The following EXOSC4 variants were observed in gnomAD, a reference collection of about 807,000 sequenced individuals.
EXOSC4 encodes the protein exosome component 4.
A neutral mutation model predicts 20.0 loss-of-function variants in EXOSC4; 14 were observed. That is an observed-to-expected ratio of 0.70 (90% confidence interval 0.46 to 1.09). The LOEUF (loss-of-function observed/expected upper bound fraction) is 1.09. EXOSC4 is among the 50% of genes least tolerant of loss of function. EXOSC4 has a pLI of 0.00. For synonymous variants in EXOSC4, 148 were observed against 146.4 expected, an observed-to-expected ratio of 1.01 and a Z score of -0.08; for missense variants, 337 against 334.0, an observed-to-expected ratio of 1.01 and a Z score of -0.07.
At chr8:144,077,980 A>G (rs1554762930), upstream of EXOSC4, 1 of 152,270 alleles carries the variant, frequency 6.6e-6, no homozygotes, top group Non-Finnish European at 1.5e-5. Context: ...GAGCCTAGAT[A>G]ACCCCAGATT....
the EXOSC4 span, among the ~76,000 whole-genome samples, chr8:144,066,987 T>G: frequency 3.3e-5 from 5 of 152,012 alleles, no homozygotes; most frequent in Non-Finnish European, 7.4e-5. Flanking sequence ...CTCGGGAGGC[T>G]GAGGCAGAAG....
upstream of EXOSC4, among the ~76,000 whole-genome samples, chr8:144,075,577 T>C (rs1348393608): frequency 1.3e-5 from 2 of 152,170 alleles, no homozygotes; most frequent in Non-Finnish European, 2.9e-5. Context: ...TTTGCCATGT[T>C]GTCCAAGCTG....
At chr8:144,075,107 G>C (rs1377937432), upstream of EXOSC4, among the ~76,000 whole-genome samples, 2 of 152,094 alleles carry the variant, frequency 1.3e-5, no homozygotes, top group African/African-American at 4.8e-5. Context: ...CTGTTGCCCA[G>C]GCTGGAGTGC....
chr8:144,065,638 G>A, the EXOSC4 span, among the ~76,000 whole-genome samples: 1 of 152,018 alleles, frequency 6.6e-6, no homozygotes, highest in African/African-American at 2.4e-5. Flanking sequence ...AGGAGGCTGA[G>A]GCTGGAGAAT....
Position 144,078,741 on chromosome 8 carries a change from G to C in EXOSC4, c.13G>C (p.Glu5Gln), listed in dbSNP as rs781929052. Residue 5 changes from glutamate to glutamine, a missense_variant, in exon 1 of 3, where the codon GAG (glutamate) becomes CAG (glutamine). Glu to Gln is a conservative substitution (Grantham distance 29). Coordinates refer to ENST00000316052, the MANE Select transcript of EXOSC4 (RefSeq NM_019037.3). The surrounding 1 kb of genome is among the most constrained non-coding windows in gnomAD (Gnocchi z 4.7). ...GCGGCCGGGCAGCATGGCGGGGCTG[G>C]AGCTCTTGTCGGACCAGGGCTACCG... Reference protein sequence around the residue: MAGLELLSDQGYRVD... With the variant: MAGLQLLSDQGYRVD... 2 of 1,471,772 alleles carry C rather than the reference G, an allele frequency of 1.4e-6. No homozygotes were observed. The highest frequency in any genetic ancestry group is 1.5e-5 in the African/African-American group (1 of 68,810). The allele number at this position is 1,471,772 out of a possible 1,614,324, so 91.2% of individuals were successfully genotyped here. A position where few individuals can be genotyped will look rare whatever the true frequency, so the allele number is the denominator to read the frequency against.
chr8:144,068,072 T>A, the EXOSC4 span, among the ~76,000 whole-genome samples: 1 of 152,206 alleles, frequency 6.6e-6, no homozygotes. Context: ...CATTTGACGC[T>A]GGAAGCCTGA....
the EXOSC4 span, among the ~76,000 whole-genome samples, chr8:144,064,486 A>G: frequency 1.1e-4 from 17 of 152,248 alleles, no homozygotes; most frequent in Non-Finnish European, 2.1e-4. Flanking sequence ...CCAGGGCTAC[A>G]GGGGCAGAGC....
the EXOSC4 span, among the ~76,000 whole-genome samples, chr8:144,073,571 G>A: frequency 4.0e-5 from 6 of 151,558 alleles, no homozygotes; most frequent in African/African-American, 9.7e-5. Flanking sequence ...ACTAACGACC[G>A]GCCGGGTGTG....
At chr8:144,067,060 C>G in the EXOSC4 span, among the ~76,000 whole-genome samples, 1 of 152,078 alleles carries the variant, frequency 6.6e-6, no homozygotes, top group Non-Finnish European at 1.5e-5. Context: ...GCACACCAGC[C>G]TGGGCAACAA....
Position 144,078,709 on chromosome 8 carries a change from G to C in EXOSC4, c.-20G>C. On this transcript the variant is annotated 5_prime_UTR_variant, in exon 1 of 3. Transcript: ENST00000316052. This position sits in a 1 kb window ranked among gnomAD's most constrained non-coding sequence, Gnocchi z 4.7. ...CGGCTCAGAGAAGTAGGCAGAGAGCGGACCTGGCGGCCGGGCAGCATGGCG... is the reference window on the plus strand; with the variant it reads ...CGGCTCAGAGAAGTAGGCAGAGAGCCGACCTGGCGGCCGGGCAGCATGGCG... 2 of 1,419,566 alleles carry C rather than the reference G, an allele frequency of 1.4e-6. No individual in the cohort carries two copies. The highest frequency in any genetic ancestry group is 3.0e-5 in the South Asian group (2 of 66,054). 87.9% of individuals were successfully genotyped at this position (1,419,566 alleles called of 1,614,324 possible).
At chr8:144,070,438 C>T in the EXOSC4 span, among the ~76,000 whole-genome samples, 34 of 151,570 alleles carry the variant, frequency 2.2e-4, no homozygotes, top group African/African-American at 6.3e-4. Flanking sequence ...GCGGGAGAAC[C>T]GCTTGAACCC....
the EXOSC4 span, among the ~76,000 whole-genome samples, chr8:144,072,096 C>T: frequency 1.8e-4 from 27 of 152,208 alleles, no homozygotes; most frequent in Admixed American, 1.6e-3. Flanking sequence ...TTACGACATC[C>T]GTCACCTGGG....
At chr8:144,071,378 T>G in the EXOSC4 span, among the ~76,000 whole-genome samples, 44 of 146,050 alleles carry the variant, frequency 3.0e-4, 1 homozygote, top group East Asian at 8.0e-3. Flanking sequence ...CAGGCTGGAG[T>G]GCAGTGTCCC....
At chr8:144,068,219 G>A in the EXOSC4 span, among the ~76,000 whole-genome samples, 1 of 152,154 alleles carries the variant, frequency 6.6e-6, no homozygotes, top group Non-Finnish European at 1.5e-5. Flanking sequence ...CATTGAATAT[G>A]TATATTTGGC....
chr8:144,080,350 G>A lies in EXOSC4; in HGVS notation c.487G>A (p.Gly163Ser), dbSNP rs372756031. ...AGACTTTGTGTGTGCGTGCTCAGCTGGCTTCGTGGACGGCACAGCCCTGGC... is the reference window on the plus strand; with the variant it reads ...AGACTTTGTGTGTGCGTGCTCAGCTAGCTTCGTGGACGGCACAGCCCTGGC... Reference protein sequence around the residue: ...MRDFVCACSAGFVDGTALADL... With the variant: ...MRDFVCACSASFVDGTALADL... The change falls in exon 3 of 3, where the codon GGC becomes AGC. Residue 163 changes from glycine (G) to serine (S), a missense_variant. Gly to Ser is a moderately conservative substitution (Grantham distance 56). Transcript: ENST00000316052. The surrounding 1 kb of genome is among the most constrained non-coding windows in gnomAD (Gnocchi z 4.9). The A allele has an allele frequency of 3.1e-6, 5 of 1,613,354 alleles. No individual in the cohort carries two copies. Among genetic ancestry groups the A allele is most frequent in the Non-Finnish European group, 4.2e-6 (5 of 1,180,042 alleles).
In EXOSC4 at chr8:144,080,291, C is replaced by G. The variant is rs782421627; in HGVS notation, c.428C>G (p.Thr143Arg). Reference sequence around the variant, plus strand: ...TATGCAGCTTGTGTGAATGCAGCCACGCTGGCAGTGCTGGATGCCGGGATA... The same window carrying G: ...TATGCAGCTTGTGTGAATGCAGCCAGGCTGGCAGTGCTGGATGCCGGGATA... Reference protein sequence around the residue: ...GTYAACVNAATLAVLDAGIPM... With the variant: ...GTYAACVNAARLAVLDAGIPM... The change falls in exon 3 of 3, where the codon ACG (threonine) becomes AGG (arginine). Residue 143 changes from threonine (T) to arginine (R), a missense_variant. Coordinates refer to ENST00000316052, the MANE Select transcript of EXOSC4 (RefSeq NM_019037.3). The surrounding 1 kb of genome is among the most constrained non-coding windows in gnomAD (Gnocchi z 4.9). 2.5e-6 allele frequency: 4 copies of G among 1,613,812 alleles called. No homozygotes were observed. The highest frequency in any genetic ancestry group is 3.4e-6 in the Non-Finnish European group (4 of 1,180,032).
At chr8:144,064,972 G>T in the EXOSC4 span, among the ~76,000 whole-genome samples, 3 of 151,620 alleles carry the variant, frequency 2.0e-5, no homozygotes, top group Admixed American at 2.0e-4. Flanking sequence ...CTGCCAAGTA[G>T]CTGGGACTAC....
rs781789176 is a variant in EXOSC4 at position 144,080,594 on chromosome 8, G to T, written c.731G>T (p.Gly244Val). 1 of 1,596,964 alleles carries T rather than the reference G, an allele frequency of 6.3e-7. No homozygotes were observed. Among genetic ancestry groups the T allele is most frequent in the South Asian group, 1.1e-5 (1 of 91,008 alleles). The change falls in exon 3 of 3, where the codon GGG becomes GTG. Residue 244 changes from glycine to valine, a missense_variant. Gly to Val is a moderately radical substitution (Grantham distance 109). Coordinates refer to ENST00000316052, the MANE Select transcript of EXOSC4 (RefSeq NM_019037.3). The surrounding 1 kb of genome is among the most constrained non-coding windows in gnomAD (Gnocchi z 4.9). The stretch of plus-strand genomic sequence containing the variant: ...GTGCGTGAGGCCTCTATCTTGCTGG[G>T]GGACTGACCACCCAGCCACCCATGT... ...QHVREASILL[G>V]D
At chr8:144,075,448 G>T (rs558249335), upstream of EXOSC4, among the ~76,000 whole-genome samples, 13 of 152,104 alleles carry the variant, frequency 8.5e-5, no homozygotes, top group African/African-American at 2.4e-5. Context: ...GGATGGTCTC[G>T]ATCTCCTGAC....
Sources: allele counts gnomAD v4.1 joint callset (sites outside exome capture counted in the v4.1 genomes callset), GRCh38; gene constraint gnomAD v4.1.1; non-coding constraint Gnocchi (gnomAD v3.1); transcripts MANE v1.5; gene names NCBI Gene and HGNC (gene_info 2026-07-23, HGNC 2026-07-21).